The following FLII variants were observed in gnomAD, a reference collection of about 807,000 sequenced individuals.
The protein encoded by FLII is FLII actin remodeling protein, also known as protein flightless-1 homolog.
In FLII, 101 loss-of-function variants were observed where a neutral mutation model predicts 156.2. The observed-to-expected ratio is 0.65, with a 90% confidence interval of 0.55 to 0.76. The LOEUF (loss-of-function observed/expected upper bound fraction) is 0.76. Among genes scored for constraint, FLII ranks in the 30% least tolerant of loss-of-function variants. The probability of loss-of-function intolerance (pLI) is 0.00; values close to 1 mark genes in which losing one functional copy is unlikely to be tolerated. For synonymous variants in FLII, 767 were observed against 685.8 expected, an observed-to-expected ratio of 1.12 and a Z score of -1.85; for missense variants, 1,675 against 1,682.8, an observed-to-expected ratio of 1.00 and a Z score of 0.08.
Position 18,246,999 on chromosome 17 carries a change from G to C in FLII, c.2730C>G (p.Phe910Leu). 1 of 1,614,060 alleles carries C rather than the reference G, an allele frequency of 6.2e-7. No individual in the cohort carries two copies. Among genetic ancestry groups the C allele is most frequent in the East Asian group, 2.2e-5 (1 of 44,856 alleles). ...WNEDLDGMEG[F>L]VLEGKKFARL... ...GCGCAAACTTCTTGCCCTCCAGCACGAAACCCTCCATGCCGTCTAGGTCTT... is the reference window on the plus strand; with the variant it reads ...GCGCAAACTTCTTGCCCTCCAGCACCAAACCCTCCATGCCGTCTAGGTCTT... The change falls in exon 22 of 30, where the codon TTC becomes TTG. Residue 910 changes from phenylalanine to leucine, a missense_variant. Transcript: ENST00000327031.
At position 18,255,190 on chromosome 17, in the gene FLII, G is replaced by A; in HGVS notation, c.320C>T (p.Ser107Leu). The A allele has an allele frequency of 2.5e-6, 4 of 1,613,450 alleles. No individual in the cohort carries two copies. The highest frequency in any genetic ancestry group is 3.4e-6 in the Non-Finnish European group (4 of 1,179,334). Residue 107 changes from serine (S) to leucine (L), a missense_variant, in exon 4 of 30, where the codon TCA (serine) becomes TTA (leucine). Ser to Leu is a moderately radical substitution (Grantham distance 145). This residue lies in a region of FLII where 343 missense variants were observed against 413.5 expected (regional missense o/e 0.83). Coordinates refer to ENST00000327031, the MANE Select transcript of FLII (RefSeq NM_002018.4). Reference sequence around the variant, plus strand: ...GAGTGGGTAGCCACTGACCAGGACTGAGAGATCATCTAGCTTGAAGATGTC... The same window carrying A: ...GAGTGGGTAGCCACTGACCAGGACTAAGAGATCATCTAGCTTGAAGATGTC... ...PDDIFKLDDL[S>L]VLDLSHNQLT...
rs773856338 is a variant in FLII at position 18,247,953 on chromosome 17, C to A, written c.2271G>T (p.Val757=). 1.9e-6 allele frequency: 3 copies of A among 1,614,176 alleles called. No homozygotes were observed. In the South Asian group the frequency reaches 3.3e-5, roughly 18 times the overall value. ...LSVEHKQRPK[V]ELMPRMRLLQ... ...CCAGCCGCATTCTTGGCATCAGCTC[C>A]ACCTTGGGACGCTGCTTATGTTCCA... The change falls in exon 19 of 30, where the codon GTG becomes GTT. Residue 757 remains valine (V), a synonymous_variant. Transcript: ENST00000327031.
Position 18,246,813 on chromosome 17 carries a change from C to T in FLII, c.2832G>A (p.Val944=), listed in dbSNP as rs575181558. ...CCTTCTTTTCCTCCTCCTCGTACTC[C>T]ACAGGCACCCAGTACCTGCCGGGTT... ...YVFLCRYWVP[V]EYEEEEKKED... is the part of the protein sequence containing the mutation. The change falls in exon 23 of 30, where the codon GTG becomes GTA. Residue 944 remains valine, a synonymous_variant. Transcript: ENST00000327031. 2 of 1,614,100 alleles carry T rather than the reference C, an allele frequency of 1.2e-6. No individual in the cohort carries two copies. Among genetic ancestry groups the T allele is most frequent in the African/African-American group, 1.3e-5 (1 of 75,022 alleles).
intron 16 of FLII, 109 bp from the exon 17 acceptor site, chr17:18,248,992 C>T (rs1275662343): frequency 2.9e-6 from 4 of 1,368,414 alleles, no homozygotes; most frequent in Non-Finnish European, 4.2e-6. Flanking sequence ...TCTGGGTAAG[C>T]CCCAGGGACC....
rs1019990965 is a variant in FLII, at chr17:18,245,974, T to C, written c.3356A>G (p.Asp1119Gly). 2 of 1,613,938 alleles carry C rather than the reference T, an allele frequency of 1.2e-6. No individual in the cohort carries two copies. The highest frequency in any genetic ancestry group is 1.3e-5 in the African/African-American group (1 of 74,866). Residue 1119 changes from aspartate to glycine, a missense_variant, in exon 26 of 30, where the codon GAC (aspartate) becomes GGC (glycine). Physicochemically the swap from Asp to Gly is moderately conservative, Grantham distance 94. Transcript: ENST00000327031. ...SDPDEAKLAE[D>G]ILNTMFDTSY... Reference sequence around the variant, plus strand: ...GGTGTCAAACATGGTGTTCAGGATGTCTTCTGCCAACTTGGCTTCGTCAGG... The same window carrying C: ...GGTGTCAAACATGGTGTTCAGGATGCCTTCTGCCAACTTGGCTTCGTCAGG...
Position 18,245,792 on chromosome 17 carries a change from T to G in FLII, c.3455A>C (p.Lys1152Thr). ...GTACTCGGCATCGTCATCATAGGGC[T>G]TCTGTGCCCCAATGCCCACCCAGAA... is the stretch of plus-strand genomic sequence containing the variant. ...NFFWVGIGAQ[K>T]PYDDDAEYMK... Residue 1152 changes from lysine (K) to threonine (T), a missense_variant, in exon 27 of 30, where the codon AAG (lysine) becomes ACG (threonine). Coordinates refer to ENST00000327031, the MANE Select transcript of FLII (RefSeq NM_002018.4). 1 of 1,614,022 alleles carries G rather than the reference T, an allele frequency of 6.2e-7. No individual in the cohort carries two copies. The highest frequency in any genetic ancestry group is 8.5e-7 in the Non-Finnish European group (1 of 1,180,004).
chr17:18,249,443 G>A lies in FLII; in HGVS notation c.1777-35C>T, dbSNP rs781240267. ...TGAGGGTGTGGTTCTTCATCACTGA[G>A]CTGCCCCCTCCCCCACCAACCACTG... is the stretch of plus-strand genomic sequence containing the variant. On this transcript the variant is annotated intron_variant, in intron 14 of 29. Transcript: ENST00000327031. 5.1e-6 allele frequency: 8 copies of A among 1,556,960 alleles called. No homozygotes were observed. In the African/African-American group the frequency reaches 8.1e-5, roughly 16 times the overall value.
Position 18,251,457 on chromosome 17 carries a change from G to T in FLII, c.1404C>A (p.Ala468=), listed in dbSNP as rs370482743. The part of the protein sequence containing the change: ...KKQEESADAR[A]PSGKVRRWDQ... ...CCCAACGCCGCACCTTCCCGCTGGG[G>T]GCCCGGGCATCTGCGCTCTCCTGGG... Residue 468 remains alanine (A), a synonymous_variant, in exon 13 of 30, where the codon GCC becomes GCA. Coordinates refer to ENST00000327031, the MANE Select transcript of FLII (RefSeq NM_002018.4). The T allele has an allele frequency of 8.4e-5, 135 of 1,607,872 alleles. 3 individuals are homozygous for T. The South Asian group carries it at 1.4e-3, about 17-fold the overall frequency.
chr17:18,256,768 A>G, intron 2 of FLII, 141 bp downstream of exon 2: 2 of 775,458 alleles, frequency 2.6e-6, no homozygotes, highest in Non-Finnish European at 4.3e-6. Flanking sequence ...CTCCCTGGAC[A>G]GGGTGCCCAC....
chr17:18,247,387 G>C, intron 20 of FLII, 30 bp from the exon 21 acceptor site: 1 of 1,572,882 alleles, frequency 6.4e-7, no homozygotes, highest in Non-Finnish European at 8.6e-7. Flanking sequence ...CTAACCATGA[G>C]GGGTGCGGCA....
In FLII at chr17:18,258,425, C is replaced by G. The variant is rs1286232189; in HGVS notation, c.63+203G>C. ...AGCCCAAGCGTCCGTCCCCGGCCTG[C>G]CCAGCCTCGGTCTCCCCGTACAGGC... On this transcript the variant is annotated intron_variant, in intron 1 of 29. Coordinates refer to ENST00000327031, the MANE Select transcript of FLII (RefSeq NM_002018.4). The surrounding 1 kb of genome is among the most constrained non-coding windows in gnomAD (Gnocchi z 4.2). 2.7e-6 allele frequency: 4 copies of G among 1,460,958 alleles called. No homozygotes were observed. Among genetic ancestry groups the G allele is most frequent in the Non-Finnish European group, 3.7e-6 (4 of 1,095,392 alleles). 90.5% of individuals were successfully genotyped at this position (1,460,958 alleles called of 1,614,324 possible).
rs756498725 is a variant in FLII at position 18,247,737 on chromosome 17, G to A, written c.2407C>T (p.Leu803=). The A allele has an allele frequency of 1.2e-6, 2 of 1,605,382 alleles. No individual in the cohort carries two copies. The highest frequency in any genetic ancestry group is 3.3e-5 in the Admixed American group (2 of 59,978). ...AGCATCCCGCACAGCTCCTGACCCA[G>A]CTTGAGGGCGGCAGCGCGCACCAGG... ...PRLVRAAALK[L]GQELCGMLHR... Residue 803 remains leucine (L), a synonymous_variant, in exon 20 of 30, where the codon CTG becomes TTG. Coordinates refer to ENST00000327031, the MANE Select transcript of FLII (RefSeq NM_002018.4).
intron 8 of FLII, 35 bp from the exon 9 acceptor site, chr17:18,253,493 G>A (rs1243684809): frequency 6.2e-7 from 1 of 1,613,594 alleles, no homozygotes; most frequent in Non-Finnish European, 8.5e-7. Context: ...GGAGGTCAGG[G>A]CCAGGCTCAC....
intron 25 of FLII, 40 bp from the exon 26 acceptor site, chr17:18,246,102 C>G (rs368808829): frequency 1.2e-6 from 2 of 1,614,140 alleles, no homozygotes; most frequent in South Asian, 1.1e-5. Flanking sequence ...GCAGCTGACT[C>G]AGCCCCCAAA....
Position 18,245,776 on chromosome 17 carries a change from A to G in FLII, c.3471T>C (p.Asp1157=), listed in dbSNP as rs1481114942. ...GACGTGTGTGTTTCATGTACTCGGC[A>G]TCGTCATCATAGGGCTTCTGTGCCC... ...GIGAQKPYDD[D]AEYMKHTRLF... is the part of the protein sequence containing the mutation. The change falls in exon 27 of 30, where the codon GAT becomes GAC. Residue 1157 remains aspartate, a synonymous_variant. Coordinates refer to ENST00000327031, the MANE Select transcript of FLII (RefSeq NM_002018.4). 5.0e-6 allele frequency: 8 copies of G among 1,613,870 alleles called. No individual in the cohort carries two copies. In the African/African-American group the frequency reaches 5.3e-5, roughly 11 times the overall value.
Position 18,258,423 on chromosome 17 carries a change from T to G in FLII, c.63+205A>C, listed in dbSNP as rs935778266. ...CGAGCCCAAGCGTCCGTCCCCGGCC[T>G]GCCCAGCCTCGGTCTCCCCGTACAG... On this transcript the variant is annotated intron_variant, in intron 1 of 29. Coordinates refer to ENST00000327031, the MANE Select transcript of FLII (RefSeq NM_002018.4). The surrounding 1 kb of genome is among the most constrained non-coding windows in gnomAD (Gnocchi z 4.2). The G allele has an allele frequency of 2.2e-5, 32 of 1,446,340 alleles. No homozygotes were observed. Among genetic ancestry groups the G allele is most frequent in the East Asian group, 2.0e-4 (7 of 35,674 alleles). 89.6% of individuals were successfully genotyped at this position (1,446,340 alleles called of 1,614,324 possible).
rs150596301 is a variant in FLII, at chr17:18,251,379, G to A, written c.1482C>T (p.Asp494=). ...RLDYSEFFTE[D]VGQLPGLTIW... Reference sequence around the variant, plus strand: ...TGGTCAGTCCGGGCAGCTGGCCCACGTCCTCCGTGAAGAACTCGGAGTAGT... The same window carrying A: ...TGGTCAGTCCGGGCAGCTGGCCCACATCCTCCGTGAAGAACTCGGAGTAGT... The change falls in exon 13 of 30, where the codon GAC becomes GAT. Residue 494 remains aspartate, a synonymous_variant. Transcript: ENST00000327031. 94 of 1,613,682 alleles carry A rather than the reference G, an allele frequency of 5.8e-5. No homozygotes were observed. In the African/African-American group the frequency reaches 7.3e-4, roughly 13 times the overall value.
Position 18,247,794 on chromosome 17 carries a change from C to CCG in FLII, c.2349_2350insCG (p.Val784ArgfsTer60). On this transcript the variant is annotated frameshift_variant, in exon 20 of 30. Transcript: ENST00000327031. LOFTEE classifies it high-confidence loss of function. Reference sequence around the variant, plus strand: ...GACTTGCGGCCGAGCCAGATGAACACGTCGGACCAACAGTCCAGAATGTAC... The same window carrying CCG: ...GACTTGCGGCCGAGCCAGATGAACACCGGTCGGACCAACAGTCCAGAATGTAC... The CCG allele has an allele frequency of 6.2e-7, 1 of 1,612,246 alleles. No homozygotes were observed. The highest frequency in any genetic ancestry group is 8.5e-7 in the Non-Finnish European group (1 of 1,179,998).
intron 7 of FLII, 134 bp from the exon 8 acceptor site, chr17:18,253,853 G>A: frequency 1.0e-6 from 1 of 974,794 alleles, no homozygotes; most frequent in African/African-American, 1.6e-5. Context: ...GTGCGCCCAA[G>A]TTTCTCCATT....
Sources: allele counts gnomAD v4.1 joint callset, GRCh38; gene constraint gnomAD v4.1.1; regional missense constraint gnomAD v4.1.1; non-coding constraint Gnocchi (gnomAD v3.1); transcripts MANE v1.5; gene names NCBI Gene and HGNC (gene_info 2026-07-23, HGNC 2026-07-21).